Variants in CNOT4 observed in about 807,000 individuals in gnomAD.
CNOT4 encodes the protein CCR4-NOT transcription complex subunit 4.
A neutral mutation model predicts 73.8 loss-of-function variants in CNOT4; 8 were observed. That is an observed-to-expected ratio of 0.11 (90% CI 0.06 to 0.20). The LOEUF (loss-of-function observed/expected upper bound fraction) is 0.20. Among genes scored for constraint, CNOT4 ranks in the 10% least tolerant of loss-of-function variants. The pLI is 1.00. For synonymous variants in CNOT4, 293 were observed against 321.1 expected, an observed-to-expected ratio of 0.91 and a Z score of 0.94; for missense variants, 564 against 883.4, an observed-to-expected ratio of 0.64 and a Z score of 4.58.
chr7:135,482,313 T>C (rs142121000), intron 1 of CNOT4, among the ~76,000 whole-genome samples: 2 of 152,154 alleles, frequency 1.3e-5, no homozygotes, highest in East Asian at 3.9e-4. Context: ...CCCAGCACTT[T>C]GGGAGGCCAA....
chr7:135,413,800 T>C (rs1326700687), intron 5 of CNOT4, among the ~76,000 whole-genome samples, 187 bp from the exon 6 acceptor site: 2 of 152,032 alleles, frequency 1.3e-5, no homozygotes, highest in Non-Finnish European at 2.9e-5. Context: ...TGAGGCTCAT[T>C]TGGAAGAACT....
intron 7 of CNOT4, among the ~76,000 whole-genome samples, chr7:135,408,635 C>T (rs1471030058): frequency 6.6e-6 from 1 of 152,158 alleles, no homozygotes; most frequent in South Asian, 2.1e-4. Flanking sequence ...GGTCCCCTCA[C>T]ACACATAAAC....
intron 2 of CNOT4, among the ~76,000 whole-genome samples, chr7:135,434,177 T>A (rs2129485171): frequency 6.6e-6 from 1 of 152,338 alleles, no homozygotes; most frequent in East Asian, 1.9e-4. Flanking sequence ...GGCAGCTTCA[T>A]GACCCTCTCT....
chr7:135,466,157 A>G (rs931632645), intron 1 of CNOT4, among the ~76,000 whole-genome samples: 5 of 152,060 alleles, frequency 3.3e-5, no homozygotes, highest in African/African-American at 4.8e-5. Context: ...CTGTGTTATT[A>G]TAAAAGTTAA....
chr7:135,397,961 T>C (rs888432888), intron 8 of CNOT4, among the ~76,000 whole-genome samples: 3 of 152,060 alleles, frequency 2.0e-5, no homozygotes, highest in Admixed American at 1.3e-4. Context: ...CTGGTCATAA[T>C]GATAATTCTG....
At chr7:135,423,099 G>T (rs1798279206) in intron 2 of CNOT4, among the ~76,000 whole-genome samples, 1 of 152,068 alleles carries the variant, frequency 6.6e-6, no homozygotes, top group African/African-American at 2.4e-5. Context: ...TTAACACTGT[G>T]TCCTACATAT....
At chr7:135,424,335 C>T (rs1798372466) in intron 2 of CNOT4, among the ~76,000 whole-genome samples, 1 of 152,032 alleles carries the variant, frequency 6.6e-6, no homozygotes, top group Non-Finnish European at 1.5e-5. Context: ...ATTTGGAGCT[C>T]TAAAGGCACA....
intron 7 of CNOT4, among the ~76,000 whole-genome samples, chr7:135,403,661 T>C (rs1797119862): frequency 6.6e-6 from 1 of 152,174 alleles, no homozygotes; most frequent in African/African-American, 2.4e-5. Flanking sequence ...CCTAGAACGA[T>C]TGTAGTTGTG....
chr7:135,378,816 T>C (rs191724785), intron 10 of CNOT4, among the ~76,000 whole-genome samples: 21 of 151,744 alleles, frequency 1.4e-4, no homozygotes, highest in African/African-American at 4.8e-4. Context: ...CAAAACCCTG[T>C]CTCTAGAAGA....
intron 2 of CNOT4, among the ~76,000 whole-genome samples, chr7:135,426,055 TA>T (rs940504282): frequency 6.7e-6 from 1 of 150,164 alleles, no homozygotes; most frequent in East Asian, 2.0e-4. Flanking sequence ...CTACAAAAAA[TA>T]AAAAAAAATT....
intron 8 of CNOT4, 106 bp downstream of exon 8, chr7:135,398,063 T>C: frequency 1.4e-6 from 1 of 701,934 alleles, no homozygotes; most frequent in East Asian, 2.6e-5. Context: ...ATCAAAAGTG[T>C]TTTTAAATTG....
chr7:135,426,197 A>C (rs778087471), intron 2 of CNOT4, among the ~76,000 whole-genome samples: 10 of 152,026 alleles, frequency 6.6e-5, no homozygotes, highest in Admixed American at 2.0e-4. Context: ...TTGGGTGACA[A>C]GGCAAGACCC....
At chr7:135,484,523 A>T (rs1479455825) in intron 1 of CNOT4, among the ~76,000 whole-genome samples, 2 of 152,158 alleles carry the variant, frequency 1.3e-5, no homozygotes, top group Non-Finnish European at 2.9e-5. Flanking sequence ...TTGAGAGCTG[A>T]GTCGGGCAGA....
chr7:135,364,119 G>T lies in CNOT4; in HGVS notation c.1628-53C>A. Reference sequence around the variant, plus strand: ...AAGATAAAAAAAAATAAAAAGCTACGTTAGAAACATATGTTGTTCTTTAGT... The same window carrying T: ...AAGATAAAAAAAAATAAAAAGCTACTTTAGAAACATATGTTGTTCTTTAGT... On this transcript the variant is annotated intron_variant, in intron 10 of 11. Coordinates refer to ENST00000541284, the MANE Select transcript of CNOT4 (RefSeq NM_001190850.2). The surrounding 1 kb of genome is among the most constrained non-coding windows in gnomAD (Gnocchi z 4.3). 7.7e-7 allele frequency: 1 copy of T among 1,306,786 alleles called. No homozygotes were observed. Among genetic ancestry groups the T allele is most frequent in the Non-Finnish European group, 1.1e-6 (1 of 934,886 alleles). 80.9% of individuals were successfully genotyped at this position (1,306,786 alleles called of 1,614,324 possible).
chr7:135,450,652 C>A (rs562073738), intron 1 of CNOT4, among the ~76,000 whole-genome samples: 1 of 152,302 alleles, frequency 6.6e-6, no homozygotes, highest in Non-Finnish European at 1.5e-5. Context: ...CTGTGCCCAG[C>A]TACAGTCAGA....
chr7:135,427,757 T>A (rs1034835424), intron 2 of CNOT4, among the ~76,000 whole-genome samples: 11 of 151,798 alleles, frequency 7.2e-5, no homozygotes, highest in Non-Finnish European at 1.5e-4. Flanking sequence ...AAATACAACA[T>A]AAAAATTTTT....
intron 1 of CNOT4, among the ~76,000 whole-genome samples, chr7:135,453,014 G>A (rs1481277862): frequency 6.6e-6 from 1 of 152,136 alleles, no homozygotes; most frequent in Admixed American, 6.5e-5. Context: ...GAAAAATACA[G>A]TTTTATTTGG....
intron 10 of CNOT4, among the ~76,000 whole-genome samples, chr7:135,369,401 G>A (rs1444286382): frequency 2.6e-5 from 4 of 152,038 alleles, no homozygotes; most frequent in African/African-American, 9.7e-5. Flanking sequence ...ACCCTTACCG[G>A]GAAGCAGTCA....
chr7:135,468,718 C>T (rs577445237), intron 1 of CNOT4, among the ~76,000 whole-genome samples: 1 of 151,678 alleles, frequency 6.6e-6, no homozygotes, highest in East Asian at 1.9e-4. Flanking sequence ...CACATCTATT[C>T]CTTCCCTGGA....
Sources: allele counts gnomAD v4.1 joint callset (sites outside exome capture counted in the v4.1 genomes callset), GRCh38; gene constraint gnomAD v4.1.1; non-coding constraint Gnocchi (gnomAD v3.1); transcripts MANE v1.5; gene names NCBI Gene and HGNC (gene_info 2026-07-23, HGNC 2026-07-21).